The following DYRK1A variants were observed in gnomAD, a reference collection of about 807,000 sequenced individuals.
DYRK1A encodes dual specificity tyrosine phosphorylation regulated kinase 1A.
Under a neutral mutation model 79.7 loss-of-function variants are expected in DYRK1A, and 9 were observed. The ratio of observed to expected loss-of-function variants is 0.11; its 90% CI spans 0.07 to 0.20. The LOEUF (loss-of-function observed/expected upper bound fraction) is 0.20, where lower values mean the gene tolerates loss of function less well. DYRK1A is among the 10% of genes least tolerant of loss of function. The probability of loss-of-function intolerance (pLI) is 1.00; values close to 1 mark genes in which losing one functional copy is unlikely to be tolerated. For synonymous variants in DYRK1A, 349 were observed against 329.7 expected, an observed-to-expected ratio of 1.06 and a Z score of -0.63; for missense variants, 622 against 956.0, an observed-to-expected ratio of 0.65 and a Z score of 4.61.
chr21:37,487,469 C>T (rs2052913270), intron 6 of DYRK1A: 1 of 152,100 alleles, frequency 6.6e-6, no homozygotes, highest in South Asian at 2.1e-4. Flanking sequence ...TTGTAAGACA[C>T]CATCATTTTA....
chr21:37,377,985 A>G (rs1409186110), intron 1 of DYRK1A, among the ~76,000 whole-genome samples: 3 of 152,196 alleles, frequency 2.0e-5, no homozygotes, highest in Non-Finnish European at 4.4e-5. Flanking sequence ...ATGTTGCCAT[A>G]TTGTCTTCCA....
At chr21:37,366,376 C>T (rs1299667340), upstream of DYRK1A, among the ~76,000 whole-genome samples, 10 of 144,592 alleles carry the variant, frequency 6.9e-5, no homozygotes, top group African/African-American at 2.5e-4. Context: ...CGGGAGGCCG[C>T]GCGCGCTCCC....
chr21:37,507,486 T>G (rs562144132), intron 11 of DYRK1A, among the ~76,000 whole-genome samples: 5 of 152,288 alleles, frequency 3.3e-5, no homozygotes, highest in African/African-American at 1.2e-4. Context: ...CTTGTTCCAC[T>G]TAGGTCCTGC....
At chr21:37,464,159 C>A (rs1224123909) in intron 2 of DYRK1A, 2 of 289,150 alleles carry the variant, frequency 6.9e-6, no homozygotes, top group Non-Finnish European at 1.4e-5. Context: ...AACTTAGGGT[C>A]TTTTCTCATG....
intron 2 of DYRK1A, among the ~76,000 whole-genome samples, chr21:37,444,795 C>T (rs2148486545): frequency 6.6e-6 from 1 of 152,164 alleles, no homozygotes; most frequent in South Asian, 2.1e-4. Flanking sequence ...TTGCAGAAAA[C>T]TCACAGTTGA....
At chr21:37,466,880 GA>G (rs1191417895) in intron 2 of DYRK1A, among the ~76,000 whole-genome samples, 1 of 151,894 alleles carries the variant, frequency 6.6e-6, no homozygotes, top group Non-Finnish European at 1.5e-5. Context: ...AGAAAGAGAA[GA>G]CCTCATTAAC....
At chr21:37,380,204 A>G (rs2049628388) in intron 1 of DYRK1A, among the ~76,000 whole-genome samples, 1 of 152,158 alleles carries the variant, frequency 6.6e-6, no homozygotes, top group South Asian at 2.1e-4. Flanking sequence ...CTGTTGAAAA[A>G]TTTATTCTGA....
chr21:37,462,602 G>A (rs760599729), intron 2 of DYRK1A, among the ~76,000 whole-genome samples: 21 of 152,146 alleles, frequency 1.4e-4, no homozygotes, highest in Non-Finnish European at 2.5e-4. Flanking sequence ...TTAGCATTTG[G>A]CCAAAGAGTC....
At chr21:37,384,421 C>T (rs578199368) in intron 1 of DYRK1A, among the ~76,000 whole-genome samples, 2 of 152,092 alleles carry the variant, frequency 1.3e-5, no homozygotes, top group Non-Finnish European at 2.9e-5. Flanking sequence ...CATTGAGACC[C>T]CAGAAGAGTT....
At chr21:37,510,825 C>A (rs1281787523) in intron 11 of DYRK1A, among the ~76,000 whole-genome samples, 2 of 151,980 alleles carry the variant, frequency 1.3e-5, no homozygotes, top group Non-Finnish European at 2.9e-5. Context: ...AGCTTTCATT[C>A]ACATTCCATT....
chr21:37,436,908 G>A (rs761082567), intron 2 of DYRK1A, among the ~76,000 whole-genome samples: 1 of 152,188 alleles, frequency 6.6e-6, no homozygotes, highest in African/African-American at 2.4e-5. Context: ...GGAGTATGGA[G>A]TATCCATGCT....
At chr21:37,373,392 A>G (rs1270940508) in intron 1 of DYRK1A, among the ~76,000 whole-genome samples, 1 of 152,336 alleles carries the variant, frequency 6.6e-6, no homozygotes, top group East Asian at 1.9e-4. Context: ...TTGGTAGCTA[A>G]TATTTAAGAG....
At chr21:37,427,689 T>TA (rs941445283) in intron 2 of DYRK1A, among the ~76,000 whole-genome samples, 3 of 152,236 alleles carry the variant, frequency 2.0e-5, no homozygotes, top group African/African-American at 4.8e-5. Flanking sequence ...AGCCTTTTGA[T>TA]ACATTATTTT....
rs1569409996 is a variant in DYRK1A, at chr21:37,513,997, CT to C, written c.*1467del. The stretch of plus-strand genomic sequence containing the variant: ...CCATAGCCAATACATTTACAGCAAT[CT>C]GTGTACTGAACATAGTAGATTGACA... On this transcript the variant is annotated 3_prime_UTR_variant, in exon 12 of 12. Transcript: ENST00000647188. 2 of 152,604 alleles carry C rather than the reference CT, an allele frequency of 1.3e-5. No homozygotes were observed. The highest frequency in any genetic ancestry group is 4.8e-5 in the African/African-American group (2 of 41,446). The allele number at this position is 152,604 out of a possible 1,614,324, so 9.5% of individuals were successfully genotyped here. A position where few individuals can be genotyped will look rare whatever the true frequency, so the allele number is the denominator to read the frequency against.
intron 1 of DYRK1A, among the ~76,000 whole-genome samples, chr21:37,417,509 T>C (rs2050368376): frequency 1.4e-5 from 1 of 69,898 alleles, no homozygotes; most frequent in Non-Finnish European, 2.7e-5. Context: ...TATTTTTCTT[T>C]TCTTTTTCTT....
intron 3 of DYRK1A, among the ~76,000 whole-genome samples, chr21:37,476,491 C>T (rs2052397353): frequency 6.6e-6 from 1 of 152,194 alleles, no homozygotes; most frequent in Non-Finnish European, 1.5e-5. Flanking sequence ...CACATTTAGG[C>T]TGCACTCCAC....
intron 1 of DYRK1A, among the ~76,000 whole-genome samples, chr21:37,409,255 G>A (rs914501615): frequency 1.4e-4 from 22 of 152,252 alleles, no homozygotes; most frequent in African/African-American, 5.1e-4. Flanking sequence ...CACTTACTGT[G>A]CACTGTTTTA....
chr21:37,430,459 A>G (rs2050746399), intron 2 of DYRK1A: 1 of 969,772 alleles, frequency 1.0e-6, no homozygotes. Context: ...TTGCACTAGG[A>G]TAGTTTTTAC....
At chr21:37,413,831 A>G (rs571450293) in intron 1 of DYRK1A, among the ~76,000 whole-genome samples, 4 of 152,152 alleles carry the variant, frequency 2.6e-5, no homozygotes, top group Non-Finnish European at 5.9e-5. Flanking sequence ...CAAGCATATC[A>G]GTTAAAGGAC....
Sources: allele counts gnomAD v4.1 joint callset (sites outside exome capture counted in the v4.1 genomes callset), GRCh38; gene constraint gnomAD v4.1.1; transcripts MANE v1.5; gene names NCBI Gene and HGNC (gene_info 2026-07-23, HGNC 2026-07-21).